MED12L: variants seen among roughly 807,000 people sequenced by gnomAD.
MED12L encodes the protein mediator complex subunit 12L, also known as mediator of RNA polymerase II transcription subunit 12-like protein.
Under a neutral mutation model 281.3 loss-of-function variants are expected in MED12L, and 60 were observed. The observed-to-expected ratio is 0.21, with a 90% confidence interval of 0.17 to 0.26. MED12L has a LOEUF of 0.26. MED12L is among the 10% of genes least tolerant of loss of function. The probability of loss-of-function intolerance (pLI) is 1.00; values close to 1 mark genes in which losing one functional copy is unlikely to be tolerated. For synonymous variants in MED12L, 974 were observed against 987.2 expected (o/e 0.99, Z 0.25); for missense variants, 2,146 against 2,680.9 (o/e 0.80, Z 4.41).
At chr3:151,313,089 G>C (rs1440541448) in intron 16 of MED12L, among the ~76,000 whole-genome samples, 4 of 152,166 alleles carry the variant, frequency 2.6e-5, no homozygotes, top group Non-Finnish European at 5.9e-5. Context: ...TGGAGTGCTA[G>C]AGCTTGCCCT....
Position 151,164,024 on chromosome 3 carries a change from C to A in MED12L, c.1239C>A (p.Asn413Lys). The change falls in exon 9 of 45, where the codon AAC becomes AAA. Residue 413 changes from asparagine (N) to lysine (K), a missense_variant. Asn to Lys is a moderately conservative substitution (Grantham distance 94). This residue lies in a region of MED12L where 722 missense variants were observed against 861.2 expected (regional missense o/e 0.84). Coordinates refer to ENST00000687756, the MANE Select transcript of MED12L (RefSeq NM_001393769.1). ...APSSLPMPGGNTAFNQQVRAR... is the reference protein window; with the variant it reads ...APSSLPMPGGKTAFNQQVRAR... ...CCAGCCTCCCCATGCCGGGTGGGAA[C>A]ACGGCTTTCAATCAGCAGGTAGACT... The A allele has an allele frequency of 3.1e-6, 5 of 1,613,392 alleles. No individual in the cohort carries two copies. Among genetic ancestry groups the A allele is most frequent in the Non-Finnish European group, 4.2e-6 (5 of 1,179,620 alleles).
At chr3:151,392,623 G>T (rs1297341387) in intron 38 of MED12L, among the ~76,000 whole-genome samples, 2 of 151,770 alleles carry the variant, frequency 1.3e-5, no homozygotes, top group East Asian at 3.8e-4. Context: ...ATTCATATAG[G>T]GTTTAAATGC....
intron 43 of MED12L, among the ~76,000 whole-genome samples, chr3:151,417,544 A>T (rs1173770474): frequency 8.5e-6 from 1 of 117,940 alleles, no homozygotes; most frequent in African/African-American, 3.3e-5. Flanking sequence ...GCTGGAGTGC[A>T]GTGCGATCTC....
At chr3:151,230,522 A>G (rs1422274068) in intron 16 of MED12L, among the ~76,000 whole-genome samples, 1 of 151,088 alleles carries the variant, frequency 6.6e-6, no homozygotes, top group Non-Finnish European at 1.5e-5. Context: ...GCTCATTGAC[A>G]TCCTTGGACT....
intron 5 of MED12L, among the ~76,000 whole-genome samples, chr3:151,129,490 T>C (rs1032507203): frequency 7.3e-5 from 11 of 151,148 alleles, no homozygotes; most frequent in African/African-American, 1.5e-4. Flanking sequence ...CTGAGTTTAT[T>C]CCCCCCATCA....
chr3:151,336,173 C>T (rs1750955710), intron 16 of MED12L, among the ~76,000 whole-genome samples: 1 of 152,182 alleles, frequency 6.6e-6, no homozygotes, highest in African/African-American at 2.4e-5. Flanking sequence ...TCCTATAGAA[C>T]ATGTAAATTT....
Position 151,145,183 on chromosome 3 carries a change from G to A in MED12L, c.557-10978G>A, listed in dbSNP as rs561748895. Among the ~76,000 whole-genome samples, 74 of 152,138 alleles carry A rather than the reference G, an allele frequency of 4.9e-4. 2 individuals are homozygous for A. The highest frequency in any genetic ancestry group is 5.3e-4 in the Non-Finnish European group (36 of 68,028). On this transcript the variant is annotated intron_variant, in intron 5 of 44. Coordinates refer to ENST00000687756, the MANE Select transcript of MED12L (RefSeq NM_001393769.1). ...AAAGCTGGTAAGTGATTGGAGCCAG[G>A]GCAGGAACCAGGCCAGCTAACTCTA...
chr3:151,088,983 AGG>A (rs1301703210), intron 2 of MED12L, among the ~76,000 whole-genome samples: 3 of 152,190 alleles, frequency 2.0e-5, no homozygotes, highest in African/African-American at 7.2e-5. Flanking sequence ...AATATGGAAC[AGG>A]TGCTTGGCTG....
intron 16 of MED12L, among the ~76,000 whole-genome samples, chr3:151,330,756 C>T (rs4146770): frequency 0.84 from 128,488 of 152,208 alleles, 54,489 homozygotes; most frequent in African/African-American, 0.93. Flanking sequence ...TACCCAATAA[C>T]GGCACAGTTT....
At chr3:151,163,699 C>G (rs1334787338) in intron 8 of MED12L, among the ~76,000 whole-genome samples, 194 bp from the exon 9 acceptor site, 2 of 152,174 alleles carry the variant, frequency 1.3e-5, no homozygotes, top group South Asian at 2.1e-4. Context: ...TGTACTTCCT[C>G]CCTTTCAACT....
chr3:151,091,111 G>T (rs1037655957), intron 2 of MED12L, among the ~76,000 whole-genome samples: 2 of 152,082 alleles, frequency 1.3e-5, no homozygotes, highest in South Asian at 4.2e-4. Flanking sequence ...GAGTAAATAT[G>T]TGCAGAAAAT....
chr3:151,166,025 A>AT (rs1164941493), intron 11 of MED12L, 43 bp downstream of exon 11: 11 of 1,546,252 alleles, frequency 7.1e-6, no homozygotes, highest in Non-Finnish European at 9.7e-6. Flanking sequence ...TTATTTTCAT[A>AT]GTGTTTTTTT....
intron 37 of MED12L, among the ~76,000 whole-genome samples, chr3:151,389,440 G>T (rs1224882365): frequency 6.6e-6 from 1 of 152,184 alleles, no homozygotes; most frequent in Non-Finnish European, 1.5e-5. Context: ...CTTCAGGTGT[G>T]ATCCTTACAG....
chr3:151,285,405 G>A (rs565438044), intron 16 of MED12L, among the ~76,000 whole-genome samples: 10 of 152,114 alleles, frequency 6.6e-5, no homozygotes, highest in African/African-American at 2.2e-4. Context: ...CGAGAATGGC[G>A]TGAACCCAGG....
chr3:151,129,711 A>G (rs1237084506), intron 5 of MED12L, among the ~76,000 whole-genome samples: 2 of 107,456 alleles, frequency 1.9e-5, no homozygotes, highest in Non-Finnish European at 1.9e-5. Context: ...TCATATATCT[A>G]CATTTGTGTG....
In MED12L at chr3:151,116,323, C is replaced by T. The variant is rs1712812192; in HGVS notation, c.100-15C>T. Reference sequence around the variant, plus strand: ...TTTACATCCTTCTGCTTAATCAATACCGTCTCTTGAACAGGATGAACTTAC... The same window carrying T: ...TTTACATCCTTCTGCTTAATCAATATCGTCTCTTGAACAGGATGAACTTAC... On this transcript the variant is annotated splice_polypyrimidine_tract_variant and intron_variant, in intron 2 of 44. Coordinates refer to ENST00000687756, the MANE Select transcript of MED12L (RefSeq NM_001393769.1). 1 of 1,580,974 alleles carries T rather than the reference C, an allele frequency of 6.3e-7. No individual in the cohort carries two copies. Among genetic ancestry groups the T allele is most frequent in the African/African-American group, 1.3e-5 (1 of 74,202 alleles).
intron 21 of MED12L, among the ~76,000 whole-genome samples, chr3:151,361,874 T>C (rs1035589510): frequency 6.6e-6 from 1 of 152,146 alleles, no homozygotes; most frequent in Non-Finnish European, 1.5e-5. Context: ...TAGCACTTGC[T>C]ACCCCCACAG....
rs536559992 is a variant in MED12L, at chr3:151,366,629, G to A, written c.3327+638G>A. On this transcript the variant is annotated intron_variant, in intron 23 of 44. Coordinates refer to ENST00000687756, the MANE Select transcript of MED12L (RefSeq NM_001393769.1). ...GTTGCCACTTATTGGAGTAGTCTTT[G>A]TCGTACACTAGTATCTCTTATGCAT... Among the ~76,000 whole-genome samples the A allele has an allele frequency of 5.3e-5, 8 of 152,184 alleles. No individual in the cohort carries two copies. In the East Asian group the frequency reaches 1.4e-3, roughly 26 times the overall value.
intron 16 of MED12L, among the ~76,000 whole-genome samples, chr3:151,342,889 T>C (rs1255283426): frequency 6.6e-6 from 1 of 152,214 alleles, no homozygotes; most frequent in Non-Finnish European, 1.5e-5. Flanking sequence ...TAACTCACTT[T>C]ATTAATAATC....
Sources: gnomAD v4.1 joint callset for allele counts (sites outside exome capture counted in the v4.1 genomes callset) on GRCh38, gnomAD v4.1.1 for gene constraint, gnomAD v4.1.1 regional missense constraint, MANE v1.5 for transcripts, NCBI Gene and HGNC (gene_info 2026-07-23, HGNC 2026-07-21) for gene names.